SGCD: variants seen among roughly 807,000 people sequenced by gnomAD.
SGCD encodes the protein sarcoglycan delta, also known as delta-sarcoglycan.
In SGCD, 18 loss-of-function variants were observed where a neutral mutation model predicts 36.6. That is an observed-to-expected ratio of 0.49 (90% CI 0.34 to 0.73). The LOEUF is 0.73. Ranked by LOEUF, SGCD falls within the 30% of genes least tolerant of loss-of-function variation. SGCD has a pLI of 0.01. For synonymous variants in SGCD, 133 were observed against 130.6 expected (o/e 1.02, Z -0.12); for missense variants, 387 against 346.7 (o/e 1.12, Z -0.92).
chr5:156,221,555 A>C (rs1307144881), intron 3 of SGCD, among the ~76,000 whole-genome samples: 1 of 151,878 alleles, frequency 6.6e-6, no homozygotes, highest in Non-Finnish European at 1.5e-5. Context: ...GAATCTAATG[A>C]GATTTAAAAA....
intron 3 of SGCD, among the ~76,000 whole-genome samples, chr5:156,195,013 A>G (rs1763989336): frequency 6.6e-6 from 1 of 152,204 alleles, no homozygotes; most frequent in African/African-American, 2.4e-5. Flanking sequence ...TATGGGGAAC[A>G]CAGAAATAAA....
rs559413471 is a variant in SGCD at position 155,962,726 on chromosome 5, A to G, written c.-282+92302A>G. Among the ~76,000 whole-genome samples, 184 of 152,254 alleles carry G rather than the reference A, an allele frequency of 1.2e-3. 1 individual carries two copies. Among genetic ancestry groups the G allele is most frequent in the African/African-American group, 4.2e-3 (173 of 41,574 alleles). On this transcript the variant is annotated intron_variant, in intron 1 of 9. Coordinates refer to the SGCD transcript ENST00000517913. ...AGAATAGGTGCCTGATTGAGCTTGC[A>G]CTGTGTGCACAAAACTATACTAAGT...
chr5:156,427,394 G>A (rs1315226346), intron 3 of SGCD, among the ~76,000 whole-genome samples: 1 of 152,014 alleles, frequency 6.6e-6, no homozygotes, highest in Non-Finnish European at 1.5e-5. Context: ...GATTTAGTAT[G>A]CTGAGATTTT....
chr5:156,632,293 G>A (rs891442997), intron 6 of SGCD, among the ~76,000 whole-genome samples: 1 of 152,072 alleles, frequency 6.6e-6, no homozygotes, highest in Non-Finnish European at 1.5e-5. Context: ...GTATCCTGGG[G>A]GTGGGGGAGG....
chr5:156,163,452 A>G (rs1204203702), intron 3 of SGCD, among the ~76,000 whole-genome samples: 1 of 151,476 alleles, frequency 6.6e-6, no homozygotes, highest in Non-Finnish European at 1.5e-5. Context: ...ACCACACATA[A>G]TTTCCTCATA....
intron 3 of SGCD, among the ~76,000 whole-genome samples, chr5:156,451,860 A>G (rs1393232327): frequency 1.3e-5 from 2 of 152,226 alleles, no homozygotes; most frequent in African/African-American, 4.8e-5. Context: ...CATGTTAGAT[A>G]ACAAAGCCAT....
intron 3 of SGCD, among the ~76,000 whole-genome samples, chr5:156,146,487 C>T (rs986785326): frequency 6.6e-6 from 1 of 152,116 alleles, no homozygotes; most frequent in African/African-American, 2.4e-5. Context: ...GGAGGTATGA[C>T]TACTTTAACA....
At chr5:156,216,628 T>TA (rs1764581747) in intron 3 of SGCD, among the ~76,000 whole-genome samples, 1 of 152,184 alleles carries the variant, frequency 6.6e-6, no homozygotes, top group African/African-American at 2.4e-5. Context: ...AAAAAGAGAG[T>TA]AAAAGCATGC....
chr5:156,208,149 A>T (rs898128110), intron 3 of SGCD, among the ~76,000 whole-genome samples: 6 of 152,236 alleles, frequency 3.9e-5, no homozygotes, highest in Admixed American at 3.3e-4. Flanking sequence ...AGTGGAATTA[A>T]TCCAAGAAAG....
intron 3 of SGCD, among the ~76,000 whole-genome samples, chr5:156,400,290 T>C (rs1191075376): frequency 6.6e-6 from 1 of 152,204 alleles, no homozygotes; most frequent in African/African-American, 2.4e-5. Context: ...GGAGATATGT[T>C]ATTGACACTT....
At chr5:156,390,113 T>C (rs112167538) in intron 3 of SGCD, among the ~76,000 whole-genome samples, 39 of 152,354 alleles carry the variant, frequency 2.6e-4, no homozygotes, top group African/African-American at 9.1e-4. Context: ...CATACAATTA[T>C]GTATGGTACA....
the SGCD span, among the ~76,000 whole-genome samples, chr5:155,841,446 A>AT: frequency 1.3e-5 from 2 of 152,138 alleles, no homozygotes; most frequent in African/African-American, 4.8e-5. Context: ...ATAATACCTC[A>AT]TTGTAGTTGT....
intron 4 of SGCD, among the ~76,000 whole-genome samples, chr5:156,587,588 G>A (rs1198352752): frequency 2.6e-5 from 4 of 152,176 alleles, no homozygotes. Flanking sequence ...ATTCTGCCAT[G>A]TGCAGGTGAC....
chr5:156,185,621 T>C (rs994312627), intron 3 of SGCD, among the ~76,000 whole-genome samples: 1 of 151,770 alleles, frequency 6.6e-6, no homozygotes, highest in Non-Finnish European at 1.5e-5. Flanking sequence ...AGTTGTCTGA[T>C]ATGTACAAAT....
At chr5:156,652,168 A>C (rs1229015160) in intron 7 of SGCD, among the ~76,000 whole-genome samples, 1 of 152,048 alleles carries the variant, frequency 6.6e-6, no homozygotes, top group African/African-American at 2.4e-5. Context: ...TAGAGTCTTT[A>C]GGGTTTTCTA....
chr5:156,734,146 C>T (rs906176832), intron 7 of SGCD, among the ~76,000 whole-genome samples: 1 of 151,986 alleles, frequency 6.6e-6, no homozygotes, highest in African/African-American at 2.4e-5. Flanking sequence ...GATCTTATTT[C>T]TCCTTGTCTT....
At chr5:156,674,030 G>A (rs763019312) in intron 7 of SGCD, among the ~76,000 whole-genome samples, 4 of 152,190 alleles carry the variant, frequency 2.6e-5, no homozygotes, top group African/African-American at 9.6e-5. Flanking sequence ...GCCTTTGAAT[G>A]CAGATGTATG....
chr5:156,408,071 C>T (rs1772518643), intron 3 of SGCD, among the ~76,000 whole-genome samples: 1 of 152,222 alleles, frequency 6.6e-6, no homozygotes. Flanking sequence ...TATTTACATT[C>T]TCATCTTAAT....
At chr5:156,003,410 T>G (rs1346714686) in intron 1 of SGCD, among the ~76,000 whole-genome samples, 1 of 152,214 alleles carries the variant, frequency 6.6e-6, no homozygotes, top group African/African-American at 2.4e-5. Flanking sequence ...TCATACATTC[T>G]TCATCTTTAA....
Sources: gnomAD v4.1 joint callset for allele counts (sites outside exome capture counted in the v4.1 genomes callset) on GRCh38, gnomAD v4.1.1 for gene constraint, MANE v1.5 for transcripts, NCBI Gene and HGNC (gene_info 2026-07-23, HGNC 2026-07-21) for gene names.